UBE2E2: variants seen among roughly 807,000 people sequenced by gnomAD.
UBE2E2 encodes the protein ubiquitin-conjugating enzyme E2 E2.
A neutral mutation model predicts 24.7 loss-of-function variants in UBE2E2; 6 were observed. The observed-to-expected ratio is 0.24, with a 90% confidence interval of 0.13 to 0.48. The LOEUF (loss-of-function observed/expected upper bound fraction) is 0.48, where lower values mean the gene tolerates loss of function less well. UBE2E2 is among the 20% of genes least tolerant of loss of function. UBE2E2 has a pLI of 0.99. For missense variants in UBE2E2, 169 were observed against 245.0 expected, an observed-to-expected ratio of 0.69 and a Z score of 2.07; for synonymous variants, 104 against 83.6, an observed-to-expected ratio of 1.24 and a Z score of -1.33.
chr3:23,326,202 G>T (rs947214284), intron 3 of UBE2E2, among the ~76,000 whole-genome samples: 3 of 152,192 alleles, frequency 2.0e-5, no homozygotes, highest in Admixed American at 1.3e-4. Flanking sequence ...CTCCCGAGTA[G>T]CTGGGATTAC....
intron 3 of UBE2E2, among the ~76,000 whole-genome samples, chr3:23,338,955 T>G (rs1695293507): frequency 6.6e-6 from 1 of 152,094 alleles, no homozygotes; most frequent in Non-Finnish European, 1.5e-5. Context: ...AAACAGGATA[T>G]TTACAGTCAC....
At chr3:23,586,282 C>T (rs533660997) in intron 5 of UBE2E2, among the ~76,000 whole-genome samples, 2 of 152,158 alleles carry the variant, frequency 1.3e-5, no homozygotes, top group South Asian at 2.1e-4. Flanking sequence ...ACATCAAATA[C>T]TAATTGTTAG....
chr3:23,265,680 A>G (rs1004262733), intron 3 of UBE2E2, among the ~76,000 whole-genome samples: 1 of 152,048 alleles, frequency 6.6e-6, no homozygotes, highest in Admixed American at 6.5e-5. Flanking sequence ...TCACATAGGA[A>G]GCTTGTTTTA....
chr3:23,293,606 A>G (rs1368852300), intron 3 of UBE2E2, among the ~76,000 whole-genome samples: 3 of 152,228 alleles, frequency 2.0e-5, no homozygotes, highest in African/African-American at 4.8e-5. Flanking sequence ...TTAATTCTCT[A>G]TGATTATTCT....
chr3:23,432,892 T>C (rs915708636), intron 3 of UBE2E2, among the ~76,000 whole-genome samples: 4 of 151,854 alleles, frequency 2.6e-5, no homozygotes, highest in African/African-American at 9.7e-5. Flanking sequence ...AATATTAATA[T>C]AATTTATGTG....
intron 4 of UBE2E2, 35 bp from the exon 5 acceptor site, chr3:23,532,519 T>C (rs539627586): frequency 6.8e-7 from 1 of 1,481,364 alleles, no homozygotes; most frequent in Non-Finnish European, 9.1e-7. Flanking sequence ...ATAAACACTT[T>C]GTCTAACAAA....
At chr3:23,353,719 G>T (rs1192768395) in intron 3 of UBE2E2, among the ~76,000 whole-genome samples, 2 of 151,966 alleles carry the variant, frequency 1.3e-5, no homozygotes, top group Non-Finnish European at 2.9e-5. Context: ...ACAAACCACT[G>T]CTCAATGAAA....
At chr3:23,548,694 G>A (rs80113015) in intron 5 of UBE2E2, among the ~76,000 whole-genome samples, 3 of 152,124 alleles carry the variant, frequency 2.0e-5, no homozygotes, top group African/African-American at 4.8e-5. Context: ...TTCACGTGCT[G>A]CTCTCCTCCT....
At chr3:23,270,979 C>T (rs1309252929) in intron 3 of UBE2E2, 3 of 456,742 alleles carry the variant, frequency 6.6e-6, no homozygotes, top group East Asian at 1.4e-4. Flanking sequence ...GCTTGCATCT[C>T]TTCTAACTTG....
chr3:23,383,632 G>T (rs1261482719), intron 3 of UBE2E2, among the ~76,000 whole-genome samples: 2 of 151,642 alleles, frequency 1.3e-5, no homozygotes, highest in Non-Finnish European at 2.9e-5. Flanking sequence ...AGATACTGAG[G>T]TTTTTTTTGT....
At chr3:23,530,153 A>T (rs750022753) in intron 4 of UBE2E2, among the ~76,000 whole-genome samples, 33 of 152,338 alleles carry the variant, frequency 2.2e-4, no homozygotes, top group African/African-American at 4.1e-4. Flanking sequence ...TCTTTGAAAT[A>T]TGTAAAGCTT....
chr3:23,457,703 A>T (rs1021029674), intron 3 of UBE2E2, among the ~76,000 whole-genome samples: 1 of 152,154 alleles, frequency 6.6e-6, no homozygotes, highest in Non-Finnish European at 1.5e-5. Context: ...TTATGTAGAG[A>T]TGGGATCTCC....
intron 3 of UBE2E2, among the ~76,000 whole-genome samples, chr3:23,498,257 G>A (rs1405224022): frequency 6.6e-6 from 1 of 151,964 alleles, no homozygotes; most frequent in Non-Finnish European, 1.5e-5. Flanking sequence ...TTTGACTTTT[G>A]CATTTAAATA....
chr3:23,248,223 A>G (rs1652128146), intron 3 of UBE2E2, among the ~76,000 whole-genome samples: 1 of 152,232 alleles, frequency 6.6e-6, no homozygotes, highest in African/African-American at 2.4e-5. Context: ...TGTCTTCACG[A>G]CAGACATCTG....
intron 5 of UBE2E2, among the ~76,000 whole-genome samples, chr3:23,560,517 C>T (rs1054169856): frequency 6.6e-6 from 1 of 151,976 alleles, no homozygotes; most frequent in African/African-American, 2.4e-5. Context: ...AGTAGTGCCA[C>T]AATAAACATA....
intron 3 of UBE2E2, among the ~76,000 whole-genome samples, chr3:23,234,204 T>TC (rs1348767113): frequency 6.6e-6 from 1 of 151,976 alleles, no homozygotes; most frequent in Non-Finnish European, 1.5e-5. Context: ...TGTGCCCTTT[T>TC]TTTTTTTTCT....
At position 23,345,994 on chromosome 3, in the gene UBE2E2, A is replaced by G. The variant is rs992319823; in HGVS notation, c.227+128682A>G. Among the ~76,000 whole-genome samples the G allele has an allele frequency of 2.0e-5, 3 of 152,222 alleles. No individual in the cohort carries two copies. The South Asian group carries it at 6.2e-4, about 32-fold the overall frequency. ...AATGGTTTTCAACTGTTGCTGATCT[A>G]ATCAATCATGGTGCTATGATATAAT... On this transcript the variant is annotated intron_variant, in intron 3 of 5. Coordinates refer to ENST00000396703, the MANE Select transcript of UBE2E2 (RefSeq NM_152653.4).
chr3:23,487,148 G>A (rs1699390576), intron 3 of UBE2E2, among the ~76,000 whole-genome samples: 1 of 152,086 alleles, frequency 6.6e-6, no homozygotes, highest in Non-Finnish European at 1.5e-5. Flanking sequence ...GCAGGGGGCT[G>A]GCATGACAGC....
chr3:23,330,927 T>C (rs1334181548), intron 3 of UBE2E2, among the ~76,000 whole-genome samples: 1 of 152,220 alleles, frequency 6.6e-6, no homozygotes, highest in African/African-American at 2.4e-5. Flanking sequence ...TAATTATCTT[T>C]TATGATTCTG....
Sources: allele counts gnomAD v4.1 joint callset (sites outside exome capture counted in the v4.1 genomes callset), GRCh38; gene constraint gnomAD v4.1.1; transcripts MANE v1.5; gene names NCBI Gene and HGNC (gene_info 2026-07-23, HGNC 2026-07-21).